Variants in HS3ST4 observed in about 807,000 individuals in gnomAD.
The protein encoded by HS3ST4 is heparan sulfate glucosamine 3-O-sulfotransferase 4.
In HS3ST4, 17 loss-of-function variants were observed where a neutral mutation model predicts 29.2. The ratio of observed to expected loss-of-function variants is 0.58; its 90% CI spans 0.40 to 0.87. HS3ST4 has a LOEUF of 0.87. Among genes scored for constraint, HS3ST4 ranks in the 40% least tolerant of loss-of-function variants. The probability of loss-of-function intolerance (pLI) is 0.00; values close to 1 mark genes in which losing one functional copy is unlikely to be tolerated. For synonymous variants in HS3ST4, 314 were observed against 285.7 expected (o/e 1.10, Z -1.00); for missense variants, 627 against 634.5 (o/e 0.99, Z 0.13).
At chr16:26,012,571 G>A (rs983896563) in intron 1 of HS3ST4, among the ~76,000 whole-genome samples, 15 of 152,146 alleles carry the variant, frequency 9.9e-5, no homozygotes, top group Admixed American at 7.2e-4. Flanking sequence ...AACCTCTGCT[G>A]ACATATACCT....
chr16:25,878,822 C>T (rs1260669170), intron 1 of HS3ST4, among the ~76,000 whole-genome samples: 1 of 152,112 alleles, frequency 6.6e-6, no homozygotes, highest in Non-Finnish European at 1.5e-5. Flanking sequence ...AACCTTTATT[C>T]AAACCTTCGA....
chr16:25,710,434 C>T (rs1343696601), intron 1 of HS3ST4, among the ~76,000 whole-genome samples: 1 of 63,656 alleles, frequency 1.6e-5, no homozygotes. Context: ...CTTTTGATGG[C>T]TTCAGGGCTT....
intron 1 of HS3ST4, among the ~76,000 whole-genome samples, chr16:25,817,345 C>T (rs1005824131): frequency 5.9e-5 from 9 of 152,076 alleles, no homozygotes; most frequent in Non-Finnish European, 1.2e-4. Context: ...CAGAGGTTGG[C>T]GAATTTCTTA....
In HS3ST4 at chr16:25,692,536, C is replaced by G; in HGVS notation, c.119C>G (p.Thr40Ser). Residue 40 changes from threonine (T) to serine (S), a missense_variant, in exon 1 of 2, where the codon ACC becomes AGC. Physicochemically the swap from Thr to Ser is moderately conservative, Grantham distance 58 (BLOSUM62 1). Coordinates refer to ENST00000331351, the MANE Select transcript of HS3ST4 (RefSeq NM_006040.3). Reference protein sequence around the residue: ...PPARKLLFMCTLSLSVTYLCY... With the variant: ...PPARKLLFMCSLSLSVTYLCY... Reference sequence around the variant, plus strand: ...GCGCGCAAGCTGCTTTTTATGTGCACCTTGTCCCTGTCTGTCACCTACCTG... The same window carrying G: ...GCGCGCAAGCTGCTTTTTATGTGCAGCTTGTCCCTGTCTGTCACCTACCTG... 6.9e-7 allele frequency: 1 copy of G among 1,451,794 alleles called. No homozygotes were observed. Among genetic ancestry groups the G allele is most frequent in the East Asian group, 3.1e-5 (1 of 32,516 alleles). The allele number at this position is 1,451,794 out of a possible 1,614,324, so 89.9% of individuals were successfully genotyped here.
chr16:25,936,641 T>G (rs537902641), intron 1 of HS3ST4, among the ~76,000 whole-genome samples: 7 of 152,360 alleles, frequency 4.6e-5, no homozygotes, highest in African/African-American at 1.7e-4. Flanking sequence ...ATTCATCAGC[T>G]GCTACACAGC....
intron 1 of HS3ST4, among the ~76,000 whole-genome samples, chr16:25,729,227 C>T (rs1397996570): frequency 6.6e-6 from 1 of 152,170 alleles, no homozygotes; most frequent in Non-Finnish European, 1.5e-5. Flanking sequence ...GAGTTTCTTT[C>T]TGGGTTCTTC....
chr16:25,761,149 C>G (rs1186054986), intron 1 of HS3ST4, among the ~76,000 whole-genome samples: 1 of 152,168 alleles, frequency 6.6e-6, no homozygotes, highest in African/African-American at 2.4e-5. Flanking sequence ...ACACCAGGGC[C>G]TGGTCAGGAC....
chr16:25,953,071 G>A (rs1968696956), intron 1 of HS3ST4, among the ~76,000 whole-genome samples: 1 of 152,168 alleles, frequency 6.6e-6, no homozygotes, highest in Non-Finnish European at 1.5e-5. Flanking sequence ...TTAAGGTGAA[G>A]TAACAGCCAG....
chr16:26,019,827 A>G (rs570399227), intron 1 of HS3ST4, among the ~76,000 whole-genome samples: 156 of 152,306 alleles, frequency 1.0e-3, no homozygotes, highest in African/African-American at 3.5e-3. Context: ...CGTTTGGTTC[A>G]AATCAGCTGA....
chr16:25,947,475 T>C (rs528653171), intron 1 of HS3ST4, among the ~76,000 whole-genome samples: 1 of 152,318 alleles, frequency 6.6e-6, no homozygotes, highest in South Asian at 2.1e-4. Context: ...CTGCCTCAGA[T>C]TGTGGACTGC....
At chr16:25,996,659 G>A (rs1969161520) in intron 1 of HS3ST4, among the ~76,000 whole-genome samples, 2 of 151,974 alleles carry the variant, frequency 1.3e-5, no homozygotes, top group Non-Finnish European at 2.9e-5. Context: ...ACTGTTTTAT[G>A]GTAATTTCAT....
chr16:26,090,044 C>A (rs1008957645), intron 1 of HS3ST4, among the ~76,000 whole-genome samples: 7 of 152,232 alleles, frequency 4.6e-5, no homozygotes, highest in Non-Finnish European at 1.0e-4. Context: ...CTTAATAGGG[C>A]TTACATGAAA....
intron 1 of HS3ST4, among the ~76,000 whole-genome samples, chr16:26,117,030 GA>G (rs1302731720): frequency 6.6e-6 from 1 of 152,186 alleles, no homozygotes; most frequent in East Asian, 1.9e-4. Flanking sequence ...TGTCTTTTGA[GA>G]AATTTGGCTT....
At chr16:25,717,742 G>T (rs552760732) in intron 1 of HS3ST4, among the ~76,000 whole-genome samples, 8 of 152,132 alleles carry the variant, frequency 5.3e-5, no homozygotes, top group Non-Finnish European at 1.2e-4. Context: ...TTAGGGTTTT[G>T]TCCTAGGAAA....
At chr16:26,092,264 A>G (rs1898866593) in intron 1 of HS3ST4, among the ~76,000 whole-genome samples, 1 of 152,176 alleles carries the variant, frequency 6.6e-6, no homozygotes. Context: ...TGGCCAAAAT[A>G]GCCTTCTCCA....
chr16:26,007,571 T>C (rs1376939535), intron 1 of HS3ST4, among the ~76,000 whole-genome samples: 2 of 152,184 alleles, frequency 1.3e-5, no homozygotes, highest in African/African-American at 4.8e-5. Context: ...CTCCCTCCTG[T>C]TTGTTTCACA....
intron 1 of HS3ST4, among the ~76,000 whole-genome samples, chr16:25,752,512 G>GA (rs923482778): frequency 6.6e-6 from 1 of 151,256 alleles, no homozygotes; most frequent in African/African-American, 2.4e-5. Context: ...AAAGAGGGAG[G>GA]AAAAAAAAGG....
At chr16:25,858,090 TTC>T (rs1967601487) in intron 1 of HS3ST4, among the ~76,000 whole-genome samples, 1 of 151,394 alleles carries the variant, frequency 6.6e-6, no homozygotes, top group African/African-American at 2.4e-5. Flanking sequence ...GCTTTTTTCT[TTC>T]TCTGTTTCAT....
chr16:26,015,576 C>A (rs1409627754), intron 1 of HS3ST4, among the ~76,000 whole-genome samples: 1 of 152,212 alleles, frequency 6.6e-6, no homozygotes. Context: ...GTTTTCCTTT[C>A]CTCCCTAGAG....
Sources: allele counts gnomAD v4.1 joint callset (sites outside exome capture counted in the v4.1 genomes callset), GRCh38; gene constraint gnomAD v4.1.1; transcripts MANE v1.5; gene names NCBI Gene and HGNC (gene_info 2026-07-23, HGNC 2026-07-21).